The following LAIR1 variants were observed in gnomAD, a reference collection of about 807,000 sequenced individuals.
LAIR1 encodes the protein leukocyte associated immunoglobulin like receptor 1.
Under a neutral mutation model 32.8 loss-of-function variants are expected in LAIR1, and 24 were observed. That is an observed-to-expected ratio of 0.73 (90% confidence interval 0.53 to 1.03). LAIR1 has a LOEUF of 1.03. LAIR1 is among the 50% of genes least tolerant of loss of function. The pLI is 0.00. For synonymous variants in LAIR1, 150 were observed against 140.5 expected (o/e 1.07, Z -0.48); for missense variants, 355 against 347.5 (o/e 1.02, Z -0.17).
upstream of LAIR1, among the ~76,000 whole-genome samples, chr19:54,374,020 G>T (rs1276510251): frequency 1.3e-5 from 2 of 152,154 alleles, no homozygotes; most frequent in African/African-American, 4.8e-5. Flanking sequence ...CAAGACCAGG[G>T]AAAAAGTCCC....
Position 54,354,229 on chromosome 19 carries a change from C to CT in LAIR1, c.*1038dup, listed in dbSNP as rs1261137090. On this transcript the variant is annotated 3_prime_UTR_variant, in exon 10 of 10. Coordinates refer to ENST00000391742, the MANE Select transcript of LAIR1 (RefSeq NM_002287.6). ...GGGGCGTGTGAGTGTATGTGCATGT[C>CT]TGTGTGTGTGCGTGTGTGTATGCAT... The CT allele has an allele frequency of 6.6e-6, 1 of 152,140 alleles. No individual in the cohort carries two copies. The highest frequency in any genetic ancestry group is 2.4e-5 in the African/African-American group (1 of 41,396). 9.4% of individuals were successfully genotyped at this position (152,140 alleles called of 1,614,324 possible).
At chr19:54,358,618 C>A (rs1316760265) in intron 4 of LAIR1, 13 of 1,604,166 alleles carry the variant, frequency 8.1e-6, no homozygotes, top group Non-Finnish European at 1.0e-5. Flanking sequence ...CAGTGCCTGG[C>A]ACAGTCCCTG....
upstream of LAIR1, chr19:54,368,722 G>T (rs2082329452): frequency 6.7e-6 from 1 of 149,448 alleles, no homozygotes; most frequent in African/African-American, 2.6e-5. Context: ...TATTTATTTT[G>T]AGACTGAGTT....
upstream of LAIR1, chr19:54,370,593 G>C: frequency 3.3e-6 from 1 of 300,748 alleles, no homozygotes; most frequent in Non-Finnish European, 6.1e-6. Context: ...AAACCGCACA[G>C]GATGTGGTCT....
At chr19:54,359,221 G>T (rs1230063630) in intron 4 of LAIR1, among the ~76,000 whole-genome samples, 2,439 of 150,722 alleles carry the variant, frequency 0.016, 29 homozygotes, top group African/African-American at 0.057. Flanking sequence ...CGTACTCTGG[G>T]GATAGAAACC....
chr19:54,366,936 G>A (rs1482500301), upstream of LAIR1, among the ~76,000 whole-genome samples: 3 of 152,200 alleles, frequency 2.0e-5, no homozygotes, highest in South Asian at 2.1e-4. Context: ...AAAAATTTGC[G>A]GACTAGCCAC....
In LAIR1 at chr19:54,364,636, G is replaced by C; in HGVS notation, c.34+135C>G. Reference sequence around the variant, plus strand: ...TCTGATCAGACTTAGGCCCCAGGGAGAGCAGCAGGGCAGTCTTGGGAGGAG... The same window carrying C: ...TCTGATCAGACTTAGGCCCCAGGGACAGCAGCAGGGCAGTCTTGGGAGGAG... On this transcript the variant is annotated intron_variant, in intron 1 of 9. Transcript: ENST00000391742. The surrounding 1 kb of genome is among the most constrained non-coding windows in gnomAD (Gnocchi z 4.8). 1 of 885,970 alleles carries C rather than the reference G, an allele frequency of 1.1e-6. No homozygotes were observed. 54.9% of individuals were successfully genotyped at this position (885,970 alleles called of 1,614,324 possible).
At chr19:54,365,474 C>A (rs934367992), upstream of LAIR1, among the ~76,000 whole-genome samples, 3 of 152,134 alleles carry the variant, frequency 2.0e-5, no homozygotes, top group Admixed American at 6.5e-5. Context: ...TATGGTCCAG[C>A]AATCCCACTT....
Position 54,364,712 on chromosome 19 carries a change from G to A in LAIR1, c.34+59C>T. 1 of 1,422,526 alleles carries A rather than the reference G, an allele frequency of 7.0e-7. No individual in the cohort carries two copies. Among genetic ancestry groups the A allele is most frequent in the Non-Finnish European group, 9.9e-7 (1 of 1,009,698 alleles). The allele number at this position is 1,422,526 out of a possible 1,614,324, so 88.1% of individuals were successfully genotyped here. A position where few individuals can be genotyped will look rare whatever the true frequency, so the allele number is the denominator to read the frequency against. On this transcript the variant is annotated intron_variant, in intron 1 of 9. Transcript: ENST00000391742. The surrounding 1 kb of genome is among the most constrained non-coding windows in gnomAD (Gnocchi z 4.8). ...TCTGGACTAGAGTCAGGCTTGAGCA[G>A]GGAATTTTCCAGACCTCCCGACCCC...
At chr19:54,370,208 C>T in intron 1 of LAIR1, 1 of 823,108 alleles carries the variant, frequency 1.2e-6, no homozygotes, top group African/African-American at 1.8e-5. Flanking sequence ...TGGGAGGACC[C>T]TTCTTGTTCA....
upstream of LAIR1, among the ~76,000 whole-genome samples, chr19:54,365,607 A>T (rs1601331633): frequency 6.6e-6 from 1 of 152,286 alleles, no homozygotes; most frequent in East Asian, 1.9e-4. Context: ...CCTGGCCAAC[A>T]TAGTGAAACC....
Position 54,356,478 on chromosome 19 carries a change from C to T in LAIR1, c.583+13G>A, listed in dbSNP as rs1214356014. 5.0e-6 allele frequency: 8 copies of T among 1,613,630 alleles called. No individual in the cohort carries two copies. Among genetic ancestry groups the T allele is most frequent in the African/African-American group, 2.7e-5 (2 of 74,814 alleles). ...AGCTTCCCAGGTCACCCCACCCTGCCCCTGAGACCTACCCTGCTTTATCTG... is the reference window on the plus strand; with the variant it reads ...AGCTTCCCAGGTCACCCCACCCTGCTCCTGAGACCTACCCTGCTTTATCTG... On this transcript the variant is annotated intron_variant, in intron 6 of 9. Transcript: ENST00000391742.
upstream of LAIR1, among the ~76,000 whole-genome samples, chr19:54,374,506 C>T (rs182803301): frequency 6.2e-3 from 937 of 152,252 alleles, 7 homozygotes; most frequent in Admixed American, 0.023. Context: ...CCAGACAACC[C>T]CTGGGTATGA....
chr19:54,369,039 C>T (rs2082340218), upstream of LAIR1, among the ~76,000 whole-genome samples: 1 of 150,476 alleles, frequency 6.6e-6, no homozygotes, highest in Non-Finnish European at 1.5e-5. Context: ...TTTAAACTTG[C>T]AAAAGAGTTG....
Position 54,361,109 on chromosome 19 carries a change from T to G in LAIR1, c.171A>C (p.Thr57=), listed in dbSNP as rs756297254. The part of the protein sequence containing the change: ...FVCRGPVGVQ[T]FRLERDSRST... ...ATCTACTGTCCCTCTCCAGGCGGAA[T>G]GTTTGAACCCCAACCGGGCCCCGGC... is the stretch of plus-strand genomic sequence containing the variant. The change falls in exon 3 of 10, where the codon ACA becomes ACC. Residue 57 remains threonine (T), a synonymous_variant. Transcript: ENST00000391742. 2.5e-6 allele frequency: 4 copies of G among 1,614,172 alleles called. No individual in the cohort carries two copies. The South Asian group carries it at 3.3e-5, about 13-fold the overall frequency.
chr19:54,355,552 C>G lies in LAIR1; in HGVS notation c.718-138G>C, dbSNP rs2081656501. 1 of 715,538 alleles carries G rather than the reference C, an allele frequency of 1.4e-6. No individual in the cohort carries two copies. The highest frequency in any genetic ancestry group is 2.3e-6 in the Non-Finnish European group (1 of 443,766). 44.3% of individuals were successfully genotyped at this position (715,538 alleles called of 1,614,324 possible). A position where few individuals can be genotyped will look rare whatever the true frequency, so the allele number is the denominator to read the frequency against. On this transcript the variant is annotated intron_variant, in intron 9 of 9. Coordinates refer to ENST00000391742, the MANE Select transcript of LAIR1 (RefSeq NM_002287.6). This position sits in a 1 kb window ranked among gnomAD's most constrained non-coding sequence, Gnocchi z 4.7. ...AATTGCATCCGTGTGAAGAGCCCTC[C>G]CACAGGGTATTGGGGTTGGTTTACG...
At position 54,355,766 on chromosome 19, in the gene LAIR1, G is replaced by T. The variant is rs999459511; in HGVS notation, c.717+188C>A. On this transcript the variant is annotated intron_variant, in intron 9 of 9. Transcript: ENST00000391742. This position sits in a 1 kb window ranked among gnomAD's most constrained non-coding sequence, Gnocchi z 4.7. The stretch of plus-strand genomic sequence containing the variant: ...AGCCGGGGAAGTGAGCGTCTTGGAC[G>T]TGGATCCTCCAGCCCACGGGAGCCT... Among the ~76,000 whole-genome samples the T allele has an allele frequency of 6.6e-6, 1 of 152,116 alleles. No homozygotes were observed. The highest frequency in any genetic ancestry group is 2.1e-4 in the South Asian group (1 of 4,832).
upstream of LAIR1, among the ~76,000 whole-genome samples, chr19:54,374,991 G>C (rs189258600): frequency 3.6e-4 from 55 of 152,178 alleles, no homozygotes; most frequent in African/African-American, 1.3e-3. Context: ...CGGAAAGACT[G>C]ACCCTCCTGT....
chr19:54,356,817 C>T, intron 5 of LAIR1, 111 bp downstream of exon 5: 1 of 1,400,634 alleles, frequency 7.1e-7, no homozygotes, highest in Non-Finnish European at 9.9e-7. Flanking sequence ...TGCACAGGGA[C>T]ACAGACTGCC....
Sources: gnomAD v4.1 joint callset for allele counts (sites outside exome capture counted in the v4.1 genomes callset) on GRCh38, gnomAD v4.1.1 for gene constraint, Gnocchi (gnomAD v3.1) non-coding constraint, MANE v1.5 for transcripts, NCBI Gene and HGNC (gene_info 2026-07-23, HGNC 2026-07-21) for gene names.